The following GALNT14 variants were observed in gnomAD, a reference collection of about 807,000 sequenced individuals.
The protein encoded by GALNT14 is polypeptide N-acetylgalactosaminyltransferase 14, also known as UDP-GalNAc:polypeptide N-acetylgalactosaminyltransferase 14.
In GALNT14, 60 loss-of-function variants were observed where a neutral mutation model predicts 77.5. That is an observed-to-expected ratio of 0.77 (90% CI 0.63 to 0.96). The LOEUF (loss-of-function observed/expected upper bound fraction) is 0.96, where lower values mean the gene tolerates loss of function less well. Among genes scored for constraint, GALNT14 ranks in the 40% least tolerant of loss-of-function variants. The probability of loss-of-function intolerance (pLI) is 0.00; values close to 1 mark genes in which losing one functional copy is unlikely to be tolerated. For missense variants in GALNT14, 710 were observed against 731.0 expected, an observed-to-expected ratio of 0.97 and a Z score of 0.33; for synonymous variants, 280 against 281.7, an observed-to-expected ratio of 0.99 and a Z score of 0.06.
chr2:30,893,761 T>C, the GALNT14 span, among the ~76,000 whole-genome samples: 1 of 150,846 alleles, frequency 6.6e-6, no homozygotes, highest in East Asian at 2.0e-4. Context: ...TTCAAACAAC[T>C]ATTACCTTGA....
rs146995181 is a variant in GALNT14, at chr2:30,912,165, T to C, written c.1500+58A>G. 139 of 1,601,986 alleles carry C rather than the reference T, an allele frequency of 8.7e-5. 1 individual carries two copies. The African/African-American group carries it at 1.8e-3, about 21-fold the overall frequency. On this transcript the variant is annotated intron_variant, in intron 14 of 14. Coordinates refer to ENST00000349752, the MANE Select transcript of GALNT14 (RefSeq NM_024572.4). Reference sequence around the variant, plus strand: ...TTTTCCTGCTCATCAGACTAAGCCCTCAACAGGCAGTCACATTACGGAGTT... The same window carrying C: ...TTTTCCTGCTCATCAGACTAAGCCCCCAACAGGCAGTCACATTACGGAGTT...
At chr2:31,061,419 C>T (rs901848598) in intron 1 of GALNT14, among the ~76,000 whole-genome samples, 13 of 152,192 alleles carry the variant, frequency 8.5e-5, no homozygotes, top group Admixed American at 5.2e-4. Flanking sequence ...CATGCCACCA[C>T]AGTCTGGCTT....
chr2:30,982,400 T>C (rs1456150318), intron 2 of GALNT14, among the ~76,000 whole-genome samples: 1 of 152,210 alleles, frequency 6.6e-6, no homozygotes, highest in Non-Finnish European at 1.5e-5. Context: ...AAAGCCAAGC[T>C]GGAAAAACCC....
chr2:31,083,207 C>T (rs1676240490), intron 1 of GALNT14, among the ~76,000 whole-genome samples: 2 of 152,112 alleles, frequency 1.3e-5, no homozygotes, highest in South Asian at 4.1e-4. Context: ...CTGCCATGTG[C>T]CCAGCCTGAC....
chr2:31,029,101 A>G (rs1422010006), intron 1 of GALNT14, among the ~76,000 whole-genome samples: 2 of 152,186 alleles, frequency 1.3e-5, no homozygotes, highest in Non-Finnish European at 2.9e-5. Flanking sequence ...CAGAGGGAAG[A>G]AAATTGGCCC....
At chr2:30,924,620 C>G (rs1665248059) in intron 12 of GALNT14, 120 bp downstream of exon 12, 1 of 769,400 alleles carries the variant, frequency 1.3e-6, no homozygotes, top group Non-Finnish European at 2.2e-6. Context: ...GGTCTTCTTA[C>G]ACCTCTGATA....
At chr2:31,030,220 T>C (rs1235505212) in intron 1 of GALNT14, among the ~76,000 whole-genome samples, 1 of 152,130 alleles carries the variant, frequency 6.6e-6, no homozygotes, top group Non-Finnish European at 1.5e-5. Context: ...CAAGAAGATC[T>C]GTGGGGACTG....
chr2:30,926,032 G>A (rs1233563618), intron 11 of GALNT14, among the ~76,000 whole-genome samples: 1 of 152,136 alleles, frequency 6.6e-6, no homozygotes, highest in Non-Finnish European at 1.5e-5. Flanking sequence ...ACATAGAGCT[G>A]GCCTTGCTTC....
At chr2:31,064,789 G>C (rs1459396511) in intron 1 of GALNT14, among the ~76,000 whole-genome samples, 1 of 151,970 alleles carries the variant, frequency 6.6e-6, no homozygotes, top group Non-Finnish European at 1.5e-5. Context: ...ATCCAATAGG[G>C]GAAGGTGAAG....
chr2:30,969,006 G>A (rs1668182477), intron 2 of GALNT14, among the ~76,000 whole-genome samples: 1 of 152,158 alleles, frequency 6.6e-6, no homozygotes, highest in Non-Finnish European at 1.5e-5. Context: ...AGGTCTGTGA[G>A]AGCATGGAGG....
the GALNT14 span, among the ~76,000 whole-genome samples, chr2:30,901,578 ATATG>A: frequency 6.6e-6 from 1 of 151,716 alleles, no homozygotes; most frequent in Non-Finnish European, 1.5e-5. Flanking sequence ...ATGTGTGTAT[ATATG>A]TGAGTATATA....
chr2:31,080,203 C>T (rs1676072653), intron 1 of GALNT14, among the ~76,000 whole-genome samples: 1 of 152,202 alleles, frequency 6.6e-6, no homozygotes, highest in Admixed American at 6.5e-5. Flanking sequence ...ATACTCAGCA[C>T]CTTAGGTCAG....
chr2:30,951,606 A>G (rs1183781270), intron 6 of GALNT14, among the ~76,000 whole-genome samples: 1 of 152,262 alleles, frequency 6.6e-6, no homozygotes, highest in Non-Finnish European at 1.5e-5. Context: ...TTAAAATGGT[A>G]ACTTTCATTA....
chr2:31,038,095 T>A (rs867833888), intron 1 of GALNT14, among the ~76,000 whole-genome samples: 6,542 of 79,938 alleles, frequency 0.082, 282 homozygotes, highest in East Asian at 0.21. Flanking sequence ...TTTTTTTTTT[T>A]TTTTTTTTTT....
chr2:31,067,287 A>G (rs1038206386), intron 1 of GALNT14, among the ~76,000 whole-genome samples: 2 of 152,176 alleles, frequency 1.3e-5, no homozygotes, highest in African/African-American at 4.8e-5. Context: ...CCAGCCATGC[A>G]GTGAGCCCAG....
Position 31,120,592 on chromosome 2 carries a change from T to A in GALNT14, c.129+17366A>T, listed in dbSNP as rs912498733. Among the ~76,000 whole-genome samples the A allele has an allele frequency of 3.3e-5, 5 of 152,320 alleles. No individual in the cohort carries two copies. In the East Asian group the frequency reaches 9.6e-4, roughly 29 times the overall value. On this transcript the variant is annotated intron_variant, in intron 1 of 14. Transcript: ENST00000349752. ...TTTTTTTTTAGACAGAGTCTCACTCTGTCGCCCAGGCTGGAGTGCAGTGCC... is the reference window on the plus strand; with the variant it reads ...TTTTTTTTTAGACAGAGTCTCACTCAGTCGCCCAGGCTGGAGTGCAGTGCC...
At chr2:31,074,429 A>G (rs1573304902) in intron 1 of GALNT14, among the ~76,000 whole-genome samples, 1 of 151,176 alleles carries the variant, frequency 6.6e-6, no homozygotes, top group East Asian at 1.9e-4. Flanking sequence ...GCTTAAAACC[A>G]CCACTGTTTT....
Position 30,924,735 on chromosome 2 carries a change from G to A in GALNT14, c.1235+5C>T. 1 of 1,612,942 alleles carries A rather than the reference G, an allele frequency of 6.2e-7. No individual in the cohort carries two copies. The highest frequency in any genetic ancestry group is 1.1e-5 in the South Asian group (1 of 91,008). On this transcript the variant is annotated splice_donor_5th_base_variant and intron_variant, in intron 12 of 14. Transcript: ENST00000349752. The stretch of plus-strand genomic sequence containing the variant: ...AGCCAAAGCTCCAACAGGTAGGACG[G>A]ATACCTGAGTTCAGGGTAGATATTC...
chr2:31,054,864 C>T (rs187957192), intron 1 of GALNT14, among the ~76,000 whole-genome samples: 1 of 152,256 alleles, frequency 6.6e-6, no homozygotes, highest in East Asian at 1.9e-4. Flanking sequence ...AGCATCATAA[C>T]ATCAGAGCCA....
Sources: gnomAD v4.1 joint callset for allele counts (sites outside exome capture counted in the v4.1 genomes callset) on GRCh38, gnomAD v4.1.1 for gene constraint, MANE v1.5 for transcripts, NCBI Gene and HGNC (gene_info 2026-07-23, HGNC 2026-07-21) for gene names.